ELL2: variants seen among roughly 807,000 people sequenced by gnomAD.
ELL2 encodes the protein RNA polymerase II elongation factor ELL2.
A neutral mutation model predicts 72.8 loss-of-function variants in ELL2; 21 were observed. The ratio of observed to expected loss-of-function variants is 0.29; its 90% CI spans 0.20 to 0.42. The LOEUF (loss-of-function observed/expected upper bound fraction) is 0.42. Among genes scored for constraint, ELL2 ranks in the 10% least tolerant of loss-of-function variants. The pLI is 1.00. For synonymous variants in ELL2, 266 were observed against 283.2 expected (o/e 0.94, Z 0.61); for missense variants, 568 against 772.8 (o/e 0.73, Z 3.14).
intron 2 of ELL2, among the ~76,000 whole-genome samples, chr5:95,939,199 A>G (rs1171926888): frequency 6.6e-6 from 1 of 152,236 alleles, no homozygotes; most frequent in Admixed American, 6.5e-5. Flanking sequence ...CATACCAATG[A>G]CAAATACACA....
intron 10 of ELL2, among the ~76,000 whole-genome samples, chr5:95,889,726 C>G (rs73773855): frequency 2.6e-3 from 399 of 152,162 alleles, no homozygotes; most frequent in African/African-American, 9.1e-3. Flanking sequence ...AATGAAGAAA[C>G]CTTAGATTCA....
rs1561503974 is a variant in ELL2 at position 95,927,370 on chromosome 5, T to TACACACACACACGTGTGTATATATAG, written c.196-7851_196-7826dup. On this transcript the variant is annotated intron_variant, in intron 2 of 11. Transcript: ENST00000237853. ...GTATGTGTATGTGTATATATAGACA[T>TACACACACACACGTGTGTATATATAG]ACACACACACACGTGTGTATATATA... 4.4e-5 allele frequency among the ~76,000 whole-genome samples: 4 copies of TACACACACACACGTGTGTATATATAG among 90,876 alleles called. 1 individual carries two copies. Among genetic ancestry groups the TACACACACACACGTGTGTATATATAG allele is most frequent in the African/African-American group, 7.1e-5 (1 of 14,026 alleles). The allele number at this position is 90,876 out of a possible 152,430, so 59.6% of individuals were successfully genotyped here. A position where few individuals can be genotyped will look rare whatever the true frequency, so the allele number is the denominator to read the frequency against.
chr5:95,928,108 G>A (rs979173324), intron 2 of ELL2, among the ~76,000 whole-genome samples: 3 of 151,944 alleles, frequency 2.0e-5, no homozygotes, highest in African/African-American at 7.3e-5. Context: ...GTTACTGGCA[G>A]GGGAAAGATG....
chr5:95,895,756 TC>T lies in ELL2; in HGVS notation c.1526-66del, dbSNP rs779462868. 112 of 1,232,580 alleles carry T rather than the reference TC, an allele frequency of 9.1e-5. No individual in the cohort carries two copies. The East Asian group carries it at 2.6e-3, about 28-fold the overall frequency. The allele number at this position is 1,232,580 out of a possible 1,614,324, so 76.4% of individuals were successfully genotyped here. ...ACGAAGGTTATCAAATGCCTGTAAT[TC>T]TAAAATAGATTAGAAACATCTGGAA... On this transcript the variant is annotated intron_variant, in intron 8 of 11. Coordinates refer to ENST00000237853, the MANE Select transcript of ELL2 (RefSeq NM_012081.6).
intron 2 of ELL2, among the ~76,000 whole-genome samples, chr5:95,931,370 A>G (rs141328205): frequency 1.3e-5 from 2 of 152,302 alleles, no homozygotes; most frequent in African/African-American, 4.8e-5. Context: ...TTGATAATAC[A>G]AAGACAATAT....
intron 1 of ELL2, among the ~76,000 whole-genome samples, chr5:95,960,418 C>A (rs1175688486): frequency 6.6e-6 from 1 of 151,990 alleles, no homozygotes; most frequent in African/African-American, 2.4e-5. Context: ...GCTTCCCTGT[C>A]TCTCCCATTT....
At chr5:95,892,000 T>A (rs776078036) in intron 9 of ELL2, among the ~76,000 whole-genome samples, 2 of 152,244 alleles carry the variant, frequency 1.3e-5, no homozygotes, top group Non-Finnish European at 2.9e-5. Context: ...CAACTTACTT[T>A]CTTAATAAAA....
At chr5:95,949,204 T>C (rs985726150) in intron 1 of ELL2, among the ~76,000 whole-genome samples, 3 of 152,212 alleles carry the variant, frequency 2.0e-5, no homozygotes, top group Non-Finnish European at 4.4e-5. Context: ...CTAAGAAATA[T>C]TCATTTTCCT....
At chr5:95,892,193 C>T (rs1318811912) in intron 9 of ELL2, among the ~76,000 whole-genome samples, 1 of 151,300 alleles carries the variant, frequency 6.6e-6, no homozygotes, top group Non-Finnish European at 1.5e-5. Flanking sequence ...GTCGCCCAGG[C>T]CAGAGGGCAG....
Position 95,885,539 on chromosome 5 carries a change from A to G in ELL2, c.*3332T>C, listed in dbSNP as rs1334063061. The stretch of plus-strand genomic sequence containing the variant: ...CCACACATTGTCAGAAAGGCAGTGG[A>G]CTGGCTAACGAGTTTCTGCCAAGTT... On this transcript the variant is annotated 3_prime_UTR_variant, in exon 12 of 12. Coordinates refer to ENST00000237853, the MANE Select transcript of ELL2 (RefSeq NM_012081.6). 6.6e-6 allele frequency: 1 copy of G among 152,258 alleles called. No individual in the cohort carries two copies. The highest frequency in any genetic ancestry group is 1.5e-5 in the Non-Finnish European group (1 of 68,052). 9.4% of individuals were successfully genotyped at this position (152,258 alleles called of 1,614,324 possible). A position where few individuals can be genotyped will look rare whatever the true frequency, so the allele number is the denominator to read the frequency against.
In ELL2 at chr5:95,946,007, C is replaced by T. The variant is rs544117970; in HGVS notation, c.148-2958G>A. Among the ~76,000 whole-genome samples, 5 of 152,254 alleles carry T rather than the reference C, an allele frequency of 3.3e-5. No individual in the cohort carries two copies. The South Asian group carries it at 8.3e-4, about 25-fold the overall frequency. On this transcript the variant is annotated intron_variant, in intron 1 of 11. Coordinates refer to ENST00000237853, the MANE Select transcript of ELL2 (RefSeq NM_012081.6). ...ATCCTGCCCTAATCCCCTCCCTAAC[C>T]CCTCACTGATGGGTTTTACTCTTGC...
intron 1 of ELL2, among the ~76,000 whole-genome samples, chr5:95,961,291 G>A (rs1040618939): frequency 6.6e-6 from 1 of 151,962 alleles, no homozygotes; most frequent in Admixed American, 6.6e-5. Flanking sequence ...GGAAATCCTC[G>A]GGGGCCGTCG....
intron 2 of ELL2, among the ~76,000 whole-genome samples, chr5:95,937,342 C>T (rs749759288): frequency 1.3e-5 from 2 of 152,104 alleles, no homozygotes; most frequent in African/African-American, 2.4e-5. Flanking sequence ...TGGCCTAGAC[C>T]GAGTACTCTA....
intron 2 of ELL2, among the ~76,000 whole-genome samples, chr5:95,929,033 T>A (rs1043192163): frequency 3.3e-5 from 5 of 152,180 alleles, no homozygotes; most frequent in Non-Finnish European, 5.9e-5. Context: ...CCTTAGCTCA[T>A]GCTAACTTAA....
rs1243861761 is a variant in ELL2 at position 95,886,429 on chromosome 5, T to A, written c.*2442A>T. ...TGGTATGTGATCAGGTCTAAGGGTA[T>A]GCAATGCTGGATTTCCATTTAGCAT... On this transcript the variant is annotated 3_prime_UTR_variant, in exon 12 of 12. Coordinates refer to ENST00000237853, the MANE Select transcript of ELL2 (RefSeq NM_012081.6). 1 of 152,232 alleles carries A rather than the reference T, an allele frequency of 6.6e-6. No homozygotes were observed. Among genetic ancestry groups the A allele is most frequent in the Non-Finnish European group, 1.5e-5 (1 of 68,040 alleles). The allele number at this position is 152,232 out of a possible 1,614,324, so 9.4% of individuals were successfully genotyped here. A position where few individuals can be genotyped will look rare whatever the true frequency, so the allele number is the denominator to read the frequency against.
chr5:95,898,476 G>T lies in ELL2; in HGVS notation c.1289C>A (p.Thr430Asn), dbSNP rs780340562. ...TAAGGTTTCCAGAGAAGTCCTAGAG[G>T]TATATTTGTCTTGCTGGTCCTCATA... The part of the protein sequence containing the change: ...SIYEDQQDKY[T>N]SRTSLETLPP... Residue 430 changes from threonine (T) to asparagine (N), a missense_variant, in exon 8 of 12, where the codon ACC becomes AAC. This residue lies in a region of ELL2 where 511 missense variants were observed against 728.4 expected (regional missense o/e 0.70). Coordinates refer to ENST00000237853, the MANE Select transcript of ELL2 (RefSeq NM_012081.6). 6.2e-7 allele frequency: 1 copy of T among 1,614,010 alleles called. No homozygotes were observed. Among genetic ancestry groups the T allele is most frequent in the East Asian group, 2.2e-5 (1 of 44,888 alleles).
At chr5:95,890,222 C>T (rs1748608792) in intron 10 of ELL2, among the ~76,000 whole-genome samples, 1 of 152,214 alleles carries the variant, frequency 6.6e-6, no homozygotes, top group Admixed American at 6.5e-5. Context: ...ATTCTTCTGG[C>T]AGTCTCCTAT....
chr5:95,898,740 T>C lies in ELL2; in HGVS notation c.1025A>G (p.Asn342Ser). ...ACCATTTAGTGTTGGTGGTACTCTG[T>C]TCGTCAGGTGAGATATTCGGGCTTT... The part of the protein sequence containing the change: ...NKKARISHLT[N>S]RVPPTLNGHL... The change falls in exon 8 of 12, where the codon AAC becomes AGC. Residue 342 changes from asparagine to serine, a missense_variant. Physicochemically the swap from Asn to Ser is conservative, Grantham distance 46. This residue lies in a region of ELL2 where 511 missense variants were observed against 728.4 expected (regional missense o/e 0.70). Coordinates refer to ENST00000237853, the MANE Select transcript of ELL2 (RefSeq NM_012081.6). The C allele has an allele frequency of 6.3e-7, 1 of 1,585,146 alleles. No homozygotes were observed. Among genetic ancestry groups the C allele is most frequent in the East Asian group, 2.3e-5 (1 of 44,376 alleles).
intron 9 of ELL2, among the ~76,000 whole-genome samples, chr5:95,892,673 G>C (rs1040045434): frequency 3.9e-5 from 6 of 152,170 alleles, no homozygotes; most frequent in Admixed American, 3.3e-4. Context: ...TTGGAGTTCA[G>C]TCCTCTCCAA....
Sources: allele counts gnomAD v4.1 joint callset (sites outside exome capture counted in the v4.1 genomes callset), GRCh38; gene constraint gnomAD v4.1.1; regional missense constraint gnomAD v4.1.1; transcripts MANE v1.5; gene names NCBI Gene and HGNC (gene_info 2026-07-23, HGNC 2026-07-21).